FAM185A: variants seen among roughly 807,000 people sequenced by gnomAD.
FAM185A encodes family with sequence similarity 185 member A.
FAM185A carries 21 observed loss-of-function variants against 45.7 expected under a neutral mutation model. The observed-to-expected ratio is 0.46, with a 90% CI of 0.33 to 0.66. The LOEUF (loss-of-function observed/expected upper bound fraction) is 0.66. Among genes scored for constraint, FAM185A ranks in the 30% least tolerant of loss-of-function variants. The pLI, the probability that FAM185A is intolerant of heterozygous loss-of-function variation, is 0.03. For missense variants in FAM185A, 305 were observed against 485.4 expected (o/e 0.63, Z 3.49); for synonymous variants, 117 against 194.0 (o/e 0.60, Z 3.30).
rs1795876472 is a variant in FAM185A, at chr7:102,787,437, A to C, written c.1034A>C (p.Glu345Ala). 3 of 1,535,868 alleles carry C rather than the reference A, an allele frequency of 2.0e-6. No individual in the cohort carries two copies. The highest frequency in any genetic ancestry group is 2.0e-5 in the Admixed American group (1 of 50,664). ...GAAGTCCATGTTCAGGAAATGGCTG[A>C]AGTTCGTAAAGATGATGTTGTAACA... is the stretch of plus-strand genomic sequence containing the variant. ...NSEVHVQEMA[E>A]VRKDDVVTVT... is the part of the protein sequence containing the mutation. Residue 345 changes from glutamate (E) to alanine (A), a missense_variant, in exon 7 of 8, where the codon GAA (glutamate) becomes GCA (alanine). This residue lies in a region of FAM185A where 66 missense variants were observed against 74.6 expected (regional missense o/e 0.89). Transcript: ENST00000413034.
intron 7 of FAM185A, among the ~76,000 whole-genome samples, chr7:102,804,102 T>C (rs1295486972): frequency 2.6e-5 from 4 of 151,574 alleles, no homozygotes; most frequent in African/African-American, 4.9e-5. Flanking sequence ...AAAATGACCA[T>C]ACTGCCAAAA....
At chr7:102,811,354 A>G (rs1277397135), downstream of FAM185A, among the ~76,000 whole-genome samples, 1 of 152,232 alleles carries the variant, frequency 6.6e-6, no homozygotes, top group Non-Finnish European at 1.5e-5. Context: ...CCTAACTAAT[A>G]TCTTTGATAT....
chr7:102,795,663 T>C (rs1481304703), intron 7 of FAM185A, among the ~76,000 whole-genome samples: 1 of 152,106 alleles, frequency 6.6e-6, no homozygotes, highest in Non-Finnish European at 1.5e-5. Flanking sequence ...GAATAGAACC[T>C]GGTGCTCACA....
intron 6 of FAM185A, among the ~76,000 whole-genome samples, chr7:102,782,203 G>A (rs1795455272): frequency 6.6e-6 from 1 of 152,190 alleles, no homozygotes; most frequent in South Asian, 2.1e-4. Context: ...TGGGGAGAAT[G>A]GAACCAAGTT....
At chr7:102,809,686 A>G (rs1196313781), downstream of FAM185A, among the ~76,000 whole-genome samples, 1 of 152,222 alleles carries the variant, frequency 6.6e-6, no homozygotes, top group South Asian at 2.1e-4. Context: ...TGGACAACAG[A>G]GTGAAACTCC....
intron 7 of FAM185A, among the ~76,000 whole-genome samples, chr7:102,793,238 GTCTC>G (rs770569393): frequency 2.2e-4 from 34 of 152,112 alleles, no homozygotes; most frequent in East Asian, 5.8e-4. Flanking sequence ...TTGAGACGGA[GTCTC>G]TCTCTATCAC....
At chr7:102,835,940 A>G in the FAM185A span, among the ~76,000 whole-genome samples, 1 of 152,180 alleles carries the variant, frequency 6.6e-6, no homozygotes, top group Non-Finnish European at 1.5e-5. Context: ...TAGAGACATT[A>G]ACATTGTTAG....
rs771021070 is a variant in FAM185A, at chr7:102,760,666, C to T, written c.655-607C>T. ...TTTTCTTTTGAGAACAGGAATAAGA[C>T]AAGGATGCCTGCTGTCCCATTGCTT... On this transcript the variant is annotated intron_variant, in intron 3 of 7. Coordinates refer to ENST00000413034, the MANE Select transcript of FAM185A (RefSeq NM_001145268.2). 1.6e-4 allele frequency among the ~76,000 whole-genome samples: 24 copies of T among 152,128 alleles called. 1 individual carries two copies. Among genetic ancestry groups the T allele is most frequent in the Non-Finnish European group, 3.4e-4 (23 of 67,990 alleles).
downstream of FAM185A, chr7:102,813,491 C>G: frequency 6.2e-7 from 1 of 1,614,086 alleles, no homozygotes; most frequent in Non-Finnish European, 8.5e-7. Flanking sequence ...GTGTTGTATT[C>G]CTGCTGCTGA....
the FAM185A span, among the ~76,000 whole-genome samples, chr7:102,844,172 G>A: frequency 6.6e-6 from 1 of 152,184 alleles, no homozygotes; most frequent in African/African-American, 2.4e-5. Flanking sequence ...CAGATGAACT[G>A]TCTCTGTTAG....
intron 7 of FAM185A, among the ~76,000 whole-genome samples, chr7:102,800,348 C>T (rs929289667): frequency 4.6e-5 from 7 of 152,064 alleles, no homozygotes; most frequent in African/African-American, 1.5e-4. Context: ...TTAACAACCC[C>T]GCGAAAATCA....
chr7:102,846,431 C>T, the FAM185A span, among the ~76,000 whole-genome samples: 52 of 152,142 alleles, frequency 3.4e-4, no homozygotes, highest in African/African-American at 1.3e-3. Flanking sequence ...CAGCCTCAGC[C>T]AACATGGTGA....
At chr7:102,840,642 G>A in the FAM185A span, among the ~76,000 whole-genome samples, 9 of 152,164 alleles carry the variant, frequency 5.9e-5, no homozygotes, top group Admixed American at 1.3e-4. Context: ...AAGAGTTCAC[G>A]AACTATTATC....
At chr7:102,797,450 T>C (rs1349540759) in intron 7 of FAM185A, among the ~76,000 whole-genome samples, 1 of 152,196 alleles carries the variant, frequency 6.6e-6, no homozygotes, top group African/African-American at 2.4e-5. Context: ...CACTCCAGCC[T>C]GAGTGACACA....
chr7:102,829,430 T>C, the FAM185A span, among the ~76,000 whole-genome samples: 1 of 152,236 alleles, frequency 6.6e-6, no homozygotes, highest in East Asian at 1.9e-4. Context: ...CTTATCCCTC[T>C]CAGAGGTGCA....
the FAM185A span, among the ~76,000 whole-genome samples, chr7:102,818,969 C>T: frequency 6.6e-6 from 1 of 152,110 alleles, no homozygotes; most frequent in Non-Finnish European, 1.5e-5. Context: ...CACCCTCTGA[C>T]AGGCCCCAGT....
the FAM185A span, chr7:102,832,746 G>C: frequency 7.2e-7 from 1 of 1,392,466 alleles, no homozygotes; most frequent in Non-Finnish European, 9.5e-7. Flanking sequence ...ATGGCAAAGA[G>C]AACATATTCT....
downstream of FAM185A, among the ~76,000 whole-genome samples, chr7:102,809,659 A>C (rs1797323744): frequency 6.6e-6 from 1 of 152,168 alleles, no homozygotes; most frequent in Admixed American, 6.6e-5. Context: ...CCGAGATCAC[A>C]CCACTTTACT....
chr7:102,784,918 G>A (rs1284483273), intron 6 of FAM185A, among the ~76,000 whole-genome samples: 2 of 152,190 alleles, frequency 1.3e-5, no homozygotes, highest in Non-Finnish European at 1.5e-5. Flanking sequence ...TGACATGATT[G>A]TATATCTAGA....
Sources: gnomAD v4.1 joint callset for allele counts (sites outside exome capture counted in the v4.1 genomes callset) on GRCh38, gnomAD v4.1.1 for gene constraint, gnomAD v4.1.1 regional missense constraint, MANE v1.5 for transcripts, NCBI Gene and HGNC (gene_info 2026-07-23, HGNC 2026-07-21) for gene names.